Variants in CRB1 observed in about 807,000 individuals in gnomAD.
CRB1 encodes the protein protein crumbs homolog 1.
Under a neutral mutation model 120.0 loss-of-function variants are expected in CRB1, and 83 were observed. That is an observed-to-expected ratio of 0.69 (90% CI 0.58 to 0.83). CRB1 has a LOEUF of 0.83. Among genes scored for constraint, CRB1 ranks in the 40% least tolerant of loss-of-function variants. The pLI is 0.00. For synonymous variants in CRB1, 625 were observed against 612.5 expected (o/e 1.02, Z -0.30); for missense variants, 1,699 against 1,687.6 (o/e 1.01, Z -0.12).
chr1:197,449,436 G>T (rs1307689063), intron 11 of CRB1, among the ~76,000 whole-genome samples: 2 of 151,970 alleles, frequency 1.3e-5, no homozygotes, highest in South Asian at 4.2e-4. Flanking sequence ...GCGCAATCTC[G>T]GCTCACTGCA....
chr1:197,466,926 T>C (rs1666771704), intron 11 of CRB1, among the ~76,000 whole-genome samples: 1 of 152,202 alleles, frequency 6.6e-6, no homozygotes, highest in South Asian at 2.1e-4. Context: ...TCCAACACCG[T>C]GCAAGGCACA....
chr1:197,345,502 CTTTTTTTTTT>C (rs972072957), intron 3 of CRB1, among the ~76,000 whole-genome samples: 2 of 90,612 alleles, frequency 2.2e-5, no homozygotes, highest in African/African-American at 4.8e-5. Flanking sequence ...AAAATAATGA[CTTTTTTTTTT>C]TTTTTTTTTT....
intron 1 of CRB1, among the ~76,000 whole-genome samples, chr1:197,292,939 A>G (rs1571780924): frequency 6.6e-6 from 1 of 152,138 alleles, no homozygotes; most frequent in South Asian, 2.1e-4. Context: ...TTTATGACAA[A>G]CCCACAGCCA....
intron 1 of CRB1, among the ~76,000 whole-genome samples, chr1:197,305,077 C>A (rs1657086469): frequency 6.6e-6 from 1 of 152,128 alleles, no homozygotes; most frequent in South Asian, 2.1e-4. Flanking sequence ...AAATTTATTT[C>A]TACTTAAAAT....
upstream of CRB1, among the ~76,000 whole-genome samples, chr1:197,267,112 C>T (rs1459626535): frequency 6.6e-6 from 1 of 152,158 alleles, no homozygotes; most frequent in African/African-American, 2.4e-5. Flanking sequence ...ACTCTGGGCA[C>T]ACAGAATAAT....
chr1:197,226,647 A>AAG, the CRB1 span, among the ~76,000 whole-genome samples: 2 of 152,050 alleles, frequency 1.3e-5, no homozygotes, highest in Non-Finnish European at 2.9e-5. Context: ...TCCATAGAAG[A>AAG]AGAGAGAGAC....
intron 1 of CRB1, among the ~76,000 whole-genome samples, chr1:197,299,038 A>C (rs1462172671): frequency 6.6e-6 from 1 of 152,142 alleles, no homozygotes; most frequent in African/African-American, 2.4e-5. Flanking sequence ...AATAGTCAAA[A>C]ATACTGTAAG....
chr1:197,452,588 A>G (rs1666023981), intron 11 of CRB1, among the ~76,000 whole-genome samples: 1 of 152,194 alleles, frequency 6.6e-6, no homozygotes, highest in East Asian at 1.9e-4. Flanking sequence ...TATAATGCCC[A>G]TCTTATAGAC....
At chr1:197,410,687 T>C (rs1663664033) in intron 5 of CRB1, among the ~76,000 whole-genome samples, 1 of 152,240 alleles carries the variant, frequency 6.6e-6, no homozygotes, top group African/African-American at 2.4e-5. Context: ...ATTTTCCACT[T>C]ATAAATTCTC....
In CRB1 at chr1:197,421,689, A is replaced by C; in HGVS notation, c.1861A>C (p.Thr621Pro). The change falls in exon 6 of 12, where the codon ACC (threonine) becomes CCC (proline). Residue 621 changes from threonine to proline, a missense_variant. Transcript: ENST00000367400. ...TTTGGGTGGTTTACCAGTGGGAATG[A>C]CCAGCAATGGTGTTGCTCTGCTTAA... ...SFLGGLPVGM[T>P]SNGVALLNFY... The C allele has an allele frequency of 6.2e-7, 1 of 1,614,182 alleles. No homozygotes were observed. Among genetic ancestry groups the C allele is most frequent in the East Asian group, 2.2e-5 (1 of 44,892 alleles).
chr1:197,253,577 C>T, the CRB1 span, among the ~76,000 whole-genome samples: 1 of 151,994 alleles, frequency 6.6e-6, no homozygotes, highest in African/African-American at 2.4e-5. Context: ...AATGCTACAA[C>T]AAAGAAATTA....
intron 5 of CRB1, among the ~76,000 whole-genome samples, chr1:197,373,083 T>A (rs114937742): frequency 6.6e-6 from 1 of 152,132 alleles, no homozygotes; most frequent in African/African-American, 2.4e-5. Context: ...TCTCCCTCCA[T>A]GGCCATGAAA....
In CRB1 at chr1:197,421,672, GT is replaced by G; in HGVS notation, c.1847del (p.Leu616TyrfsTer5). The part of the protein sequence containing the change: ...ICAFQNSFLG[G>X]LPVGMTSNGV... ...GCTTTTCAGAACTCCTTTTTGGGTG[GT>G]TTACCAGTGGGAATGACCAGCAATG... On this transcript the variant is annotated frameshift_variant, in exon 6 of 12. Transcript: ENST00000367400. LOFTEE classifies it high-confidence loss of function. 1 of 1,614,120 alleles carries G rather than the reference GT, an allele frequency of 6.2e-7. No homozygotes were observed. Among genetic ancestry groups the G allele is most frequent in the Non-Finnish European group, 8.5e-7 (1 of 1,180,032 alleles).
At chr1:197,393,551 G>C (rs1053432743) in intron 5 of CRB1, among the ~76,000 whole-genome samples, 1 of 151,988 alleles carries the variant, frequency 6.6e-6, no homozygotes, top group Non-Finnish European at 1.5e-5. Flanking sequence ...CATTCAGTAA[G>C]AGGTGAAATT....
chr1:197,421,831 C>T lies in CRB1; in HGVS notation c.2003C>T (p.Ala668Val), dbSNP rs1664346114. Residue 668 changes from alanine (A) to valine (V), a missense_variant, in exon 6 of 12, where the codon GCA becomes GTA. By Grantham distance (64) the Ala-to-Val change is moderately conservative. Coordinates refer to ENST00000367400, the MANE Select transcript of CRB1 (RefSeq NM_201253.3). ...ISSGSSLNVK[A>V]GCVRKDWCES... Reference sequence around the variant, plus strand: ...TCTGGCTCATCATTAAATGTCAAGGCAGGCTGTGTGAGAAAGGATTGGTGT... The same window carrying T: ...TCTGGCTCATCATTAAATGTCAAGGTAGGCTGTGTGAGAAAGGATTGGTGT... The T allele has an allele frequency of 6.2e-7, 1 of 1,614,168 alleles. No individual in the cohort carries two copies.
At chr1:197,420,072 C>T (rs1237826865) in intron 5 of CRB1, among the ~76,000 whole-genome samples, 1 of 150,148 alleles carries the variant, frequency 6.7e-6, no homozygotes, top group Non-Finnish European at 1.5e-5. Context: ...ACTCTTTCTA[C>T]ACCTCAATTT....
the CRB1 span, among the ~76,000 whole-genome samples, chr1:197,237,685 A>G: frequency 6.6e-6 from 1 of 152,168 alleles, no homozygotes; most frequent in Non-Finnish European, 1.5e-5. Context: ...TTTATTGTCC[A>G]TGGGATCAGT....
intron 11 of CRB1, among the ~76,000 whole-genome samples, chr1:197,463,445 G>A (rs1171214032): frequency 6.6e-6 from 1 of 152,120 alleles, no homozygotes; most frequent in African/African-American, 2.4e-5. Flanking sequence ...CATAGTAAGA[G>A]ACCTGAAATA....
chr1:197,287,909 A>G (rs956598342), intron 1 of CRB1, among the ~76,000 whole-genome samples: 7 of 152,012 alleles, frequency 4.6e-5, no homozygotes, highest in Admixed American at 4.6e-4. Flanking sequence ...ACACATATGA[A>G]ACAATGGTTT....
Sources: gnomAD v4.1 joint callset for allele counts (sites outside exome capture counted in the v4.1 genomes callset) on GRCh38, gnomAD v4.1.1 for gene constraint, MANE v1.5 for transcripts, NCBI Gene and HGNC (gene_info 2026-07-23, HGNC 2026-07-21) for gene names.